The following YAF2 variants were observed in gnomAD, a reference collection of about 807,000 sequenced individuals.
YAF2 encodes YY1 associated factor 2.
YAF2 carries 7 observed loss-of-function variants against 20.1 expected under a neutral mutation model. That is an observed-to-expected ratio of 0.35 (90% CI 0.20 to 0.65). The LOEUF (loss-of-function observed/expected upper bound fraction) is 0.65. Among genes scored for constraint, YAF2 ranks in the 30% least tolerant of loss-of-function variants. YAF2 has a pLI of 0.69. For missense variants in YAF2, 151 were observed against 219.2 expected, an observed-to-expected ratio of 0.69 and a Z score of 1.96; for synonymous variants, 74 against 76.0, an observed-to-expected ratio of 0.97 and a Z score of 0.14.
At chr12:42,192,806 C>A (rs911551516) in intron 2 of YAF2, among the ~76,000 whole-genome samples, 1 of 152,146 alleles carries the variant, frequency 6.6e-6, no homozygotes, top group African/African-American at 2.4e-5. Context: ...ACATCTAGTT[C>A]TTTGCAAAGT....
chr12:42,186,453 A>C (rs2066476917), intron 2 of YAF2, among the ~76,000 whole-genome samples: 1 of 151,942 alleles, frequency 6.6e-6, no homozygotes, highest in African/African-American at 2.4e-5. Context: ...AGAGGGGTGG[A>C]TCACCTGAGG....
At chr12:42,225,002 A>T (rs948693917) in intron 2 of YAF2, among the ~76,000 whole-genome samples, 5 of 152,204 alleles carry the variant, frequency 3.3e-5, no homozygotes, top group Non-Finnish European at 5.9e-5. Flanking sequence ...AACAGTGTAA[A>T]AGCGTTCCTA....
intron 2 of YAF2, among the ~76,000 whole-genome samples, chr12:42,187,796 A>C (rs906193437): frequency 6.6e-6 from 1 of 152,204 alleles, no homozygotes; most frequent in Admixed American, 6.5e-5. Context: ...CCCACACTGA[A>C]TATGGCTGAC....
At chr12:42,184,885 A>C (rs1166324696) in intron 2 of YAF2, among the ~76,000 whole-genome samples, 1 of 152,206 alleles carries the variant, frequency 6.6e-6, no homozygotes, top group Non-Finnish European at 1.5e-5. Context: ...TAGCAAGAGA[A>C]CTAGAATTAG....
At chr12:42,215,273 T>C (rs896832421) in intron 2 of YAF2, among the ~76,000 whole-genome samples, 3 of 151,928 alleles carry the variant, frequency 2.0e-5, no homozygotes, top group Non-Finnish European at 4.4e-5. Flanking sequence ...TTGTAAATCA[T>C]ATGAAATCCA....
chr12:42,208,259 A>G (rs1334002118), intron 2 of YAF2, among the ~76,000 whole-genome samples: 1 of 151,990 alleles, frequency 6.6e-6, no homozygotes, highest in African/African-American at 2.4e-5. Flanking sequence ...TCCTGTCTCT[A>G]CTAAATATAC....
At chr12:42,198,393 G>C (rs910420875) in intron 2 of YAF2, among the ~76,000 whole-genome samples, 1 of 152,124 alleles carries the variant, frequency 6.6e-6, no homozygotes, top group Non-Finnish European at 1.5e-5. Context: ...AGACCAGCCT[G>C]AGCAACATGG....
At chr12:42,189,666 CAT>C (rs2066563160) in intron 2 of YAF2, among the ~76,000 whole-genome samples, 1 of 152,066 alleles carries the variant, frequency 6.6e-6, no homozygotes, top group Non-Finnish European at 1.5e-5. Context: ...ATAGATAAAA[CAT>C]ATAGTATATG....
chr12:42,202,962 T>C (rs1237724776), intron 2 of YAF2, among the ~76,000 whole-genome samples: 1 of 152,078 alleles, frequency 6.6e-6, no homozygotes, highest in African/African-American at 2.4e-5. Context: ...TTTAAATTCA[T>C]CTTGACATCC....
intron 2 of YAF2, among the ~76,000 whole-genome samples, chr12:42,182,946 C>T (rs1290313758): frequency 5.9e-5 from 9 of 152,028 alleles, no homozygotes; most frequent in Admixed American, 5.9e-4. Flanking sequence ...AGGTTTGTGG[C>T]AATCCTGTGC....
chr12:42,237,550 G>A (rs925153314), intron 2 of YAF2, 49 bp downstream of exon 2: 32 of 1,475,876 alleles, frequency 2.2e-5, no homozygotes, highest in Middle Eastern at 1.8e-4. Context: ...GGCGTCCTCT[G>A]GTCGCCACCC....
intron 2 of YAF2, among the ~76,000 whole-genome samples, chr12:42,164,663 G>A (rs1309128070): frequency 6.6e-6 from 1 of 151,638 alleles, no homozygotes; most frequent in Non-Finnish European, 1.5e-5. Flanking sequence ...AAGCGATATG[G>A]TAAATCTCAT....
chr12:42,185,057 A>G (rs915200559), intron 2 of YAF2, among the ~76,000 whole-genome samples: 1 of 152,208 alleles, frequency 6.6e-6, no homozygotes, highest in Non-Finnish European at 1.5e-5. Context: ...GCATGGCTGT[A>G]GACCTAGCTA....
intron 2 of YAF2, among the ~76,000 whole-genome samples, chr12:42,209,316 C>T (rs755822699): frequency 6.7e-6 from 1 of 150,338 alleles, no homozygotes; most frequent in Non-Finnish European, 1.5e-5. Context: ...GTAATCCCAA[C>T]ACTTAGGGAG....
At chr12:42,213,707 T>C (rs2067274641) in intron 2 of YAF2, among the ~76,000 whole-genome samples, 2 of 152,232 alleles carry the variant, frequency 1.3e-5, no homozygotes, top group South Asian at 4.1e-4. Context: ...ATAATTTCAT[T>C]ATCATTTTAA....
rs966590290 is a variant in YAF2 at position 42,199,265 on chromosome 12, A to G, written c.153-37500T>C. On this transcript the variant is annotated intron_variant, in intron 2 of 3. Coordinates refer to ENST00000534854, the MANE Select transcript of YAF2 (RefSeq NM_005748.6). ...CAAAAGGGTTACAGAGTAAGAAAGAAACACTATGTACACATGGAACAGAAT... is the reference window on the plus strand; with the variant it reads ...CAAAAGGGTTACAGAGTAAGAAAGAGACACTATGTACACATGGAACAGAAT... 4 of 1,207,500 alleles carry G rather than the reference A, an allele frequency of 3.3e-6. No homozygotes were observed. The African/African-American group carries it at 6.2e-5, about 19-fold the overall frequency. The allele number at this position is 1,207,500 out of a possible 1,614,324, so 74.8% of individuals were successfully genotyped here.
At chr12:42,175,364 G>C (rs997685753) in intron 2 of YAF2, among the ~76,000 whole-genome samples, 1 of 152,014 alleles carries the variant, frequency 6.6e-6, no homozygotes, top group Non-Finnish European at 1.5e-5. Context: ...AGATGGGATG[G>C]GGGTAGGTAC....
intron 2 of YAF2, among the ~76,000 whole-genome samples, chr12:42,219,249 C>T (rs1476966798): frequency 6.6e-6 from 1 of 152,178 alleles, no homozygotes; most frequent in Non-Finnish European, 1.5e-5. Context: ...CACTGGGCCT[C>T]CTGAGGGACA....
At chr12:42,229,562 C>T (rs1040685860) in intron 2 of YAF2, among the ~76,000 whole-genome samples, 13 of 152,138 alleles carry the variant, frequency 8.5e-5, no homozygotes, top group Non-Finnish European at 2.9e-5. Flanking sequence ...TATTTATTCT[C>T]CAGGAATAAT....
Sources: gnomAD v4.1 joint callset for allele counts (sites outside exome capture counted in the v4.1 genomes callset) on GRCh38, gnomAD v4.1.1 for gene constraint, MANE v1.5 for transcripts, NCBI Gene and HGNC (gene_info 2026-07-23, HGNC 2026-07-21) for gene names.